The following KAT14 variants were observed in gnomAD, a reference collection of about 807,000 sequenced individuals.
The protein encoded by KAT14 is cysteine-rich protein 2-binding protein.
A neutral mutation model predicts 78.4 loss-of-function variants in KAT14; 66 were observed. The observed-to-expected ratio is 0.84, with a 90% CI of 0.69 to 1.03. The LOEUF (loss-of-function observed/expected upper bound fraction) is 1.03, where lower values mean the gene tolerates loss of function less well. Among genes scored for constraint, KAT14 ranks in the 50% least tolerant of loss-of-function variants. The pLI, the probability that KAT14 is intolerant of heterozygous loss-of-function variation, is 0.00. For synonymous variants in KAT14, 344 were observed against 359.4 expected (o/e 0.96, Z 0.48); for missense variants, 870 against 972.5 (o/e 0.89, Z 1.40).
chr20:18,145,177 T>G (rs2037779203), intron 2 of KAT14, 56 bp from the exon 3 acceptor site: 2 of 1,584,406 alleles, frequency 1.3e-6, no homozygotes, highest in African/African-American at 1.4e-5. Flanking sequence ...GATTAAACCT[T>G]TAGGTTACCG....
intron 4 of KAT14, among the ~76,000 whole-genome samples, chr20:18,155,689 G>A (rs2038200472): frequency 6.6e-6 from 1 of 152,154 alleles, no homozygotes; most frequent in Non-Finnish European, 1.5e-5. Context: ...TCTATAACAC[G>A]ATACCACCTC....
intron 7 of KAT14, among the ~76,000 whole-genome samples, chr20:18,164,277 A>G (rs1023989573): frequency 6.6e-5 from 10 of 152,164 alleles, no homozygotes; most frequent in Non-Finnish European, 1.3e-4. Context: ...TCTTCAGTAC[A>G]GTACTCCCAC....
chr20:18,159,130 G>A lies in KAT14; in HGVS notation c.547G>A (p.Val183Met), dbSNP rs527469129. 32 of 1,613,370 alleles carry A rather than the reference G, an allele frequency of 2.0e-5. 1 individual carries two copies. The Middle Eastern group carries it at 6.7e-4, about 34-fold the overall frequency. ...WWSTVAGCLS[V>M]GSPMYFRSGA... The stretch of plus-strand genomic sequence containing the variant: ...GAGCACCGTGGCAGGTTGCCTCAGC[G>A]TGGGAAGTCCCATGTACTTCCGTTC... The change falls in exon 5 of 11, where the codon GTG (valine) becomes ATG (methionine). Residue 183 changes from valine to methionine, a missense_variant. Coordinates refer to ENST00000688188, the MANE Select transcript of KAT14 (RefSeq NM_001392073.1).
upstream of KAT14, chr20:18,137,836 C>G: frequency 9.4e-7 from 1 of 1,063,376 alleles, no homozygotes; most frequent in Non-Finnish European, 1.2e-6. Context: ...GCGCACGCGA[C>G]GGCTGGGGCT....
In KAT14 at chr20:18,181,846, G is replaced by C; in HGVS notation, c.1805G>C (p.Arg602Thr). The change falls in exon 8 of 11, where the codon AGG becomes ACG. Residue 602 changes from arginine (R) to threonine (T), a missense_variant and splice_region_variant. Physicochemically the swap from Arg to Thr is moderately conservative, Grantham distance 71 (BLOSUM62 -1). Coordinates refer to ENST00000688188, the MANE Select transcript of KAT14 (RefSeq NM_001392073.1). Reference sequence around the variant, plus strand: ...TCTCGGATCTTGAAACCTTATATCAGGTATATGGAGAACTAGAGGTGTGAT... The same window carrying C: ...TCTCGGATCTTGAAACCTTATATCACGTATATGGAGAACTAGAGGTGTGAT... ...YTSRILKPYI[R>T]RDYETKPPKL... 6.2e-7 allele frequency: 1 copy of C among 1,613,800 alleles called. No homozygotes were observed. Among genetic ancestry groups the C allele is most frequent in the Non-Finnish European group, 8.5e-7 (1 of 1,179,868 alleles).
At chr20:18,167,882 T>A (rs921233194) in intron 7 of KAT14, among the ~76,000 whole-genome samples, 2 of 137,248 alleles carry the variant, frequency 1.5e-5, no homozygotes, top group African/African-American at 5.6e-5. Context: ...ATCATGTGGT[T>A]GTCCCCCCAA....
At chr20:18,147,731 T>C (rs2037877714) in intron 3 of KAT14, among the ~76,000 whole-genome samples, 1 of 152,128 alleles carries the variant, frequency 6.6e-6, no homozygotes, top group African/African-American at 2.4e-5. Flanking sequence ...ATTACAGGCA[T>C]GTGCCACCAT....
chr20:18,174,166 C>T (rs2038952207), intron 7 of KAT14, among the ~76,000 whole-genome samples: 1 of 152,194 alleles, frequency 6.6e-6, no homozygotes, highest in Non-Finnish European at 1.5e-5. Context: ...CTAAATATGG[C>T]TTAATATTCC....
At chr20:18,148,905 C>T (rs73599800) in intron 3 of KAT14, among the ~76,000 whole-genome samples, 12,037 of 152,058 alleles carry the variant, frequency 0.079, 695 homozygotes, top group East Asian at 0.25. Flanking sequence ...CCACCATGCC[C>T]GGCCTGGGAT....
At chr20:18,165,779 G>A (rs1465522523) in intron 7 of KAT14, among the ~76,000 whole-genome samples, 3 of 152,112 alleles carry the variant, frequency 2.0e-5, no homozygotes, top group African/African-American at 7.2e-5. Flanking sequence ...CCAGAGATGC[G>A]GCAGAAATCT....
At position 18,142,593 on chromosome 20, in the gene KAT14, A is replaced by G. The variant is rs2037627726; in HGVS notation, c.-68A>G. ...TCTGGGTGATCCTGGTAGAAGCCCC[A>G]TTAGGGTCACTGTCCAGTGCTTAGG... is the stretch of plus-strand genomic sequence containing the variant. On this transcript the variant is annotated 5_prime_UTR_variant, in exon 2 of 11. Coordinates refer to ENST00000688188, the MANE Select transcript of KAT14 (RefSeq NM_001392073.1). The G allele has an allele frequency of 1.3e-6, 2 of 1,593,888 alleles. No homozygotes were observed. Among genetic ancestry groups the G allele is most frequent in the Non-Finnish European group, 1.7e-6 (2 of 1,168,406 alleles).
chr20:18,143,183 A>G, intron 2 of KAT14: 1 of 1,196,538 alleles, frequency 8.4e-7, no homozygotes, highest in South Asian at 2.6e-5. Context: ...TGTGTTACTT[A>G]AAGAATTAGC....
At chr20:18,167,673 G>A (rs2038689136) in intron 7 of KAT14, among the ~76,000 whole-genome samples, 1 of 151,898 alleles carries the variant, frequency 6.6e-6, no homozygotes, top group Non-Finnish European at 1.5e-5. Flanking sequence ...TTATTTAGTT[G>A]TTTTTTGGTT....
rs147310108 is a variant in KAT14, at chr20:18,162,024, G to A, written c.884G>A (p.Arg295Gln). Residue 295 changes from arginine to glutamine, a missense_variant, in exon 6 of 11, where the codon CGA becomes CAA. Coordinates refer to ENST00000688188, the MANE Select transcript of KAT14 (RefSeq NM_001392073.1). ...TCTACCCCTGTAAAATTCATAAGCC[G>A]AGGCCGCAGGCCAGATGTGATTCTG... ...TSSTPVKFIS[R>Q]GRRPDVILEK... The A allele has an allele frequency of 8.7e-5, 140 of 1,614,260 alleles. No individual in the cohort carries two copies. Among genetic ancestry groups the A allele is most frequent in the Middle Eastern group, 1.6e-4 (1 of 6,062 alleles).
intron 7 of KAT14, among the ~76,000 whole-genome samples, chr20:18,178,584 C>A (rs2039130081): frequency 6.6e-6 from 1 of 152,098 alleles, no homozygotes; most frequent in South Asian, 2.1e-4. Context: ...CCTGATAAAA[C>A]CATCAGATCT....
At chr20:18,155,759 G>A (rs949666672) in intron 4 of KAT14, among the ~76,000 whole-genome samples, 1 of 152,194 alleles carries the variant, frequency 6.6e-6, no homozygotes, top group African/African-American at 2.4e-5. Flanking sequence ...CGAGAATGTG[G>A]AGAAATGGGA....
chr20:18,145,027 C>G (rs1469827868), intron 2 of KAT14: 10 of 1,217,780 alleles, frequency 8.2e-6, no homozygotes, highest in Non-Finnish European at 1.0e-5. Context: ...GTTACTGGAT[C>G]CTACAGATCT....
At position 18,162,617 on chromosome 20, in the gene KAT14, A is replaced by C; in HGVS notation, c.1340A>C (p.Gln447Pro). 6.2e-7 allele frequency: 1 copy of C among 1,614,234 alleles called. No homozygotes were observed. Among genetic ancestry groups the C allele is most frequent in the Non-Finnish European group, 8.5e-7 (1 of 1,180,038 alleles). ...AGGGCTAGAGAAAAGAGGAAGCCTCAGCTGGAGAAGGACACAAAGCCGAAA... is the reference window on the plus strand; with the variant it reads ...AGGGCTAGAGAAAAGAGGAAGCCTCCGCTGGAGAAGGACACAAAGCCGAAA... The part of the protein sequence containing the change: ...QTRAREKRKP[Q>P]LEKDTKPKEP... Residue 447 changes from glutamine to proline, a missense_variant, in exon 7 of 11, where the codon CAG (glutamine) becomes CCG (proline). Transcript: ENST00000688188.
At chr20:18,168,222 T>C (rs935838644) in intron 7 of KAT14, among the ~76,000 whole-genome samples, 1 of 152,178 alleles carries the variant, frequency 6.6e-6, no homozygotes, top group Non-Finnish European at 1.5e-5. Context: ...AGAACCCCGG[T>C]ACTGATAAGA....
Sources: gnomAD v4.1 joint callset for allele counts (sites outside exome capture counted in the v4.1 genomes callset) on GRCh38, gnomAD v4.1.1 for gene constraint, MANE v1.5 for transcripts, NCBI Gene and HGNC (gene_info 2026-07-23, HGNC 2026-07-21) for gene names.